Variants in EDA observed in about 807,000 individuals in gnomAD.
EDA encodes ectodysplasin A, also known as ectodysplasin-A.
A neutral mutation model predicts 23.6 loss-of-function variants in EDA; 2 were observed. That is an observed-to-expected ratio of 0.08 (90% CI 0.03 to 0.27). The LOEUF is 0.27. EDA is among the 10% of genes least tolerant of loss of function. The probability of loss-of-function intolerance (pLI) is 1.00; values close to 1 mark genes in which losing one functional copy is unlikely to be tolerated. For synonymous variants in EDA, 131 were observed against 132.0 expected, an observed-to-expected ratio of 0.99 and a Z score of 0.05; for missense variants, 229 against 324.2, an observed-to-expected ratio of 0.71 and a Z score of 2.26.
At chrX:69,628,112 A>G (rs189457664) in intron 1 of EDA, among the ~76,000 whole-genome samples, 1 of 112,132 alleles carries the variant, frequency 8.9e-6, no homozygotes, top group African/African-American at 3.2e-5. Context: ...GATTTTCAAA[A>G]AGAAATTACT....
chrX:69,925,405 T>C (rs1444617798), intron 1 of EDA, among the ~76,000 whole-genome samples: 1 of 112,143 alleles, frequency 8.9e-6, no homozygotes, highest in Admixed American at 9.5e-5. Context: ...TCTATTGAGA[T>C]AATCATGTGG....
At chrX:69,829,646 T>A (rs1441175156) in intron 1 of EDA, among the ~76,000 whole-genome samples, 1 of 111,900 alleles carries the variant, frequency 8.9e-6, no homozygotes, top group Non-Finnish European at 1.9e-5. Flanking sequence ...GGATCAGAAA[T>A]GGAATCACCT....
chrX:69,747,740 T>C (rs1052779087), intron 1 of EDA, among the ~76,000 whole-genome samples: 2 of 111,678 alleles, frequency 1.8e-5, no homozygotes, highest in Admixed American at 9.5e-5. Flanking sequence ...ATGGGTTAGA[T>C]GGGGGGATAG....
Position 69,832,309 on chromosome X carries a change from T to G in EDA, c.397-124718T>G, listed in dbSNP as rs752243405. ...TTAAATAGGGAATCCTTTCCCCATTTCTTGTATTTGTCAAATTGTCAAAGA... is the reference window on the plus strand; with the variant it reads ...TTAAATAGGGAATCCTTTCCCCATTGCTTGTATTTGTCAAATTGTCAAAGA... On this transcript the variant is annotated intron_variant, in intron 1 of 7. Transcript: ENST00000374552. 1.1e-4 allele frequency among the ~76,000 whole-genome samples: 12 copies of G among 111,853 alleles called. No individual in the cohort carries two copies. The East Asian group carries it at 2.8e-3, about 26-fold the overall frequency.
intron 1 of EDA, among the ~76,000 whole-genome samples, chrX:69,814,307 C>T (rs757928580): frequency 2.4e-4 from 27 of 112,436 alleles, no homozygotes; most frequent in Non-Finnish European, 4.7e-4. Context: ...TTGGAACTAC[C>T]TCAGGGACTA....
At chrX:69,938,086 A>G in intron 1 of EDA, 1 of 1,016,429 alleles carries the variant, frequency 9.8e-7, no homozygotes. Flanking sequence ...TTTGTTTCAG[A>G]GAATATTTTG....
rs974975040 is a variant in EDA at position 69,832,731 on chromosome X, G to C, written c.397-124296G>C. Among the ~76,000 whole-genome samples the C allele has an allele frequency of 2.7e-5, 3 of 111,259 alleles. No individual in the cohort carries two copies. The Admixed American group carries it at 2.9e-4, about 11-fold the overall frequency. On this transcript the variant is annotated intron_variant, in intron 1 of 7. Transcript: ENST00000374552. ...TTATTTCCTTGAGCAGTGGTTTGTAGTTCTCCTTGAAGAGGTCCTTCACAT... is the reference window on the plus strand; with the variant it reads ...TTATTTCCTTGAGCAGTGGTTTGTACTTCTCCTTGAAGAGGTCCTTCACAT...
intron 2 of EDA, among the ~76,000 whole-genome samples, chrX:69,995,871 G>A (rs1040193658): frequency 1.8e-5 from 2 of 111,819 alleles, no homozygotes; most frequent in African/African-American, 6.5e-5. Flanking sequence ...GCAGAGCACA[G>A]GCACTTCCAT....
At chrX:69,670,183 GTTTTT>G in intron 1 of EDA, 10 of 241,734 alleles carry the variant, frequency 4.1e-5, no homozygotes, top group Non-Finnish European at 5.5e-5. Flanking sequence ...TTGGCTGACT[GTTTTT>G]TTTTTTTTTT....
chrX:69,801,614 T>C (rs1216722398), intron 1 of EDA, among the ~76,000 whole-genome samples: 1 of 112,091 alleles, frequency 8.9e-6, no homozygotes, highest in Non-Finnish European at 1.9e-5. Flanking sequence ...GTTACACATA[T>C]GACTGATAAG....
At chrX:69,697,705 G>C (rs1354108937) in intron 1 of EDA, among the ~76,000 whole-genome samples, 4 of 111,264 alleles carry the variant, frequency 3.6e-5, no homozygotes, top group Non-Finnish European at 5.7e-5. Flanking sequence ...GAAGATTACT[G>C]TCCCTACCAG....
chrX:69,808,363 A>G (rs758038489), intron 1 of EDA, among the ~76,000 whole-genome samples: 2 of 111,807 alleles, frequency 1.8e-5, no homozygotes, highest in South Asian at 7.6e-4. Flanking sequence ...TTACCCTCCT[A>G]GCATCAATAT....
intron 1 of EDA, among the ~76,000 whole-genome samples, chrX:69,737,917 C>T (rs180676016): frequency 2.4e-3 from 264 of 110,469 alleles, no homozygotes; most frequent in Admixed American, 5.6e-3. Context: ...AGTGTAGTTT[C>T]TGATGATATA....
At chrX:69,844,021 C>CAA (rs752030655) in intron 1 of EDA, among the ~76,000 whole-genome samples, 16,552 of 61,524 alleles carry the variant, frequency 0.27, 2,486 homozygotes, top group Non-Finnish European at 0.34. Context: ...GACTCTGTCT[C>CAA]AAAAAAAAAA....
intron 1 of EDA, among the ~76,000 whole-genome samples, chrX:69,897,999 C>T (rs1183946655): frequency 1.8e-5 from 2 of 112,206 alleles, no homozygotes; most frequent in Non-Finnish European, 3.8e-5. Flanking sequence ...TTGACATGCT[C>T]TCAGACTGGA....
intron 1 of EDA, among the ~76,000 whole-genome samples, chrX:69,804,772 A>G (rs1305468606): frequency 1.8e-5 from 2 of 111,597 alleles, no homozygotes. Flanking sequence ...TAATGTAATT[A>G]AAACCTGTTT....
chrX:69,721,961 T>C (rs2012598199), intron 1 of EDA, among the ~76,000 whole-genome samples: 1 of 111,500 alleles, frequency 9.0e-6, no homozygotes, highest in Non-Finnish European at 1.9e-5. Context: ...CTTGTAGACA[T>C]GACTTTCTTT....
intron 1 of EDA, among the ~76,000 whole-genome samples, chrX:69,716,564 G>C (rs1354142094): frequency 1.8e-5 from 2 of 108,222 alleles, no homozygotes; most frequent in Admixed American, 2.0e-4. Flanking sequence ...GCTGTTATTT[G>C]GTTCCATATG....
At position 70,030,373 on chromosome X, in the gene EDA, T is replaced by C. The variant is rs1300030586; in HGVS notation, c.742-96T>C. ...GAGAGGGATCAGAATTGGATTACAA[T>C]AGAAGACTAGAAACCAGGATGGAAA... On this transcript the variant is annotated intron_variant, in intron 5 of 7. Coordinates refer to ENST00000374552, the MANE Select transcript of EDA (RefSeq NM_001399.5). 5.3e-6 allele frequency: 4 copies of C among 758,940 alleles called. No homozygotes were observed. The African/African-American group carries it at 6.2e-5, about 12-fold the overall frequency. 62.5% of individuals were successfully genotyped at this position (758,940 alleles called of 1,213,427 possible).
Sources: gnomAD v4.1 joint callset for allele counts (sites outside exome capture counted in the v4.1 genomes callset) on GRCh38, gnomAD v4.1.1 for gene constraint, MANE v1.5 for transcripts, NCBI Gene and HGNC (gene_info 2026-07-23, HGNC 2026-07-21) for gene names.